Variants in CERT1 observed in about 807,000 individuals in gnomAD.
The protein encoded by CERT1 is ceramide transfer protein.
A neutral mutation model predicts 87.9 loss-of-function variants in CERT1; 31 were observed. The observed-to-expected ratio is 0.35, with a 90% CI of 0.27 to 0.48. The LOEUF (loss-of-function observed/expected upper bound fraction) is 0.48, where lower values mean the gene tolerates loss of function less well. Among genes scored for constraint, CERT1 ranks in the 20% least tolerant of loss-of-function variants. The pLI is 0.99. For missense variants in CERT1, 487 were observed against 758.0 expected (o/e 0.64, Z 4.20); for synonymous variants, 289 against 250.9 (o/e 1.15, Z -1.44).
chr5:75,390,213 T>G (rs1761974189), intron 11 of CERT1, among the ~76,000 whole-genome samples: 1 of 152,182 alleles, frequency 6.6e-6, no homozygotes, highest in South Asian at 2.1e-4. Context: ...AAGATATATA[T>G]GTATATGTCA....
rs1761558212 is a variant in CERT1 at position 75,381,000 on chromosome 5, C to T, written c.1747+72G>A. 2.6e-6 allele frequency: 4 copies of T among 1,523,648 alleles called. No individual in the cohort carries two copies. The South Asian group carries it at 4.8e-5, about 18-fold the overall frequency. 94.4% of individuals were successfully genotyped at this position (1,523,648 alleles called of 1,614,324 possible). A position where few individuals can be genotyped will look rare whatever the true frequency, so the allele number is the denominator to read the frequency against. On this transcript the variant is annotated intron_variant, in intron 16 of 16. Coordinates refer to ENST00000643780, the MANE Select transcript of CERT1 (RefSeq NM_001379029.1). ...GATAAGAACTAAAAAGGCATTTGTC[C>T]AAATTGTTGTCATATAGGTCATGAT...
chr5:75,388,882 C>G (rs1761921646), intron 12 of CERT1, among the ~76,000 whole-genome samples: 1 of 151,928 alleles, frequency 6.6e-6, no homozygotes, highest in Non-Finnish European at 1.5e-5. Flanking sequence ...GCCATGTCCT[C>G]CTAAAAGTGC....
chr5:75,511,275 C>T lies in CERT1; in HGVS notation c.-68G>A, dbSNP rs1417532428. The T allele has an allele frequency of 4.4e-6, 7 of 1,586,308 alleles. No individual in the cohort carries two copies. The highest frequency in any genetic ancestry group is 1.8e-5 in the Admixed American group (1 of 55,014). On this transcript the variant is annotated 5_prime_UTR_variant, in exon 1 of 17. Transcript: ENST00000643780. Reference sequence around the variant, plus strand: ...AGCTGCGCCGGAGGAGGCGCCCAGTCCTCGGGGTGAAGGGTCGGGGGATGG... The same window carrying T: ...AGCTGCGCCGGAGGAGGCGCCCAGTTCTCGGGGTGAAGGGTCGGGGGATGG...
At chr5:75,502,611 A>T (rs577251451) in intron 2 of CERT1, among the ~76,000 whole-genome samples, 1 of 152,222 alleles carries the variant, frequency 6.6e-6, no homozygotes, top group South Asian at 2.1e-4. Context: ...GAAAGATATA[A>T]ACAAATCCTT....
chr5:75,410,976 ATG>A lies in CERT1; in HGVS notation c.930+33_930+34del, dbSNP rs1762913671. 2.7e-6 allele frequency: 3 copies of A among 1,105,832 alleles called. No homozygotes were observed. In the South Asian group the frequency reaches 4.1e-5, roughly 15 times the overall value. The allele number at this position is 1,105,832 out of a possible 1,614,324, so 68.5% of individuals were successfully genotyped here. A position where few individuals can be genotyped will look rare whatever the true frequency, so the allele number is the denominator to read the frequency against. ...ATCACTTTTGTGATAGACATGATCT[ATG>A]TGTTTCTCTAAGATCAAAATATAAA... On this transcript the variant is annotated intron_variant, in intron 8 of 16. Coordinates refer to ENST00000643780, the MANE Select transcript of CERT1 (RefSeq NM_001379029.1).
intron 1 of CERT1, among the ~76,000 whole-genome samples, chr5:75,506,776 A>G (rs2112476601): frequency 6.6e-6 from 1 of 152,326 alleles, no homozygotes; most frequent in Admixed American, 6.5e-5. Flanking sequence ...TTTCAAACTC[A>G]AGAGTAATAA....
At chr5:75,446,080 T>C (rs530025812) in intron 3 of CERT1, among the ~76,000 whole-genome samples, 4 of 152,320 alleles carry the variant, frequency 2.6e-5, no homozygotes, top group Admixed American at 6.5e-5. Context: ...TTTCGGCCAT[T>C]ATCTCTTTGA....
chr5:75,483,728 C>T (rs1766366584), intron 2 of CERT1, among the ~76,000 whole-genome samples: 1 of 151,770 alleles, frequency 6.6e-6, no homozygotes, highest in Non-Finnish European at 1.5e-5. Flanking sequence ...ATAGTATATC[C>T]AGCAAAAATA....
chr5:75,445,415 T>A (rs1356002167), intron 3 of CERT1, among the ~76,000 whole-genome samples: 1 of 152,220 alleles, frequency 6.6e-6, no homozygotes, highest in African/African-American at 2.4e-5. Flanking sequence ...GCAAAGCTAA[T>A]TCCCTTAGCT....
intron 2 of CERT1, among the ~76,000 whole-genome samples, chr5:75,471,060 C>T (rs904453572): frequency 6.6e-6 from 1 of 152,116 alleles, no homozygotes; most frequent in Non-Finnish European, 1.5e-5. Flanking sequence ...ACACTGAAAA[C>T]TATAAAACAT....
downstream of CERT1, chr5:75,373,651 G>A (rs1402484513): frequency 6.5e-6 from 1 of 153,808 alleles, no homozygotes. Context: ...GAAATCAGCA[G>A]CAATGAATTC....
chr5:75,511,772 G>A (rs1246004359), upstream of CERT1: 10 of 1,551,346 alleles, frequency 6.4e-6, no homozygotes, highest in Non-Finnish European at 8.7e-6. Context: ...CGGCTCTCCC[G>A]GGTGACGACG....
At chr5:75,386,101 TG>T in intron 12 of CERT1, 67 bp from the exon 13 acceptor site, 1 of 1,251,316 alleles carries the variant, frequency 8.0e-7, no homozygotes, top group Non-Finnish European at 1.1e-6. Flanking sequence ...CAGGAAAGCA[TG>T]CTTTTAATAC....
chr5:75,481,452 A>C (rs1766242005), intron 2 of CERT1, among the ~76,000 whole-genome samples: 1 of 152,078 alleles, frequency 6.6e-6, no homozygotes, highest in Non-Finnish European at 1.5e-5. Flanking sequence ...AAAATACGGT[A>C]ATATTTAGCC....
At chr5:75,468,513 C>A (rs914409218) in intron 2 of CERT1, among the ~76,000 whole-genome samples, 1 of 152,106 alleles carries the variant, frequency 6.6e-6, no homozygotes, top group Non-Finnish European at 1.5e-5. Context: ...ATCTCCTCAC[C>A]TATCCCAGTG....
chr5:75,386,066 A>G, intron 12 of CERT1, 32 bp from the exon 13 acceptor site: 1 of 1,423,706 alleles, frequency 7.0e-7, no homozygotes, highest in Non-Finnish European at 9.2e-7. Flanking sequence ...AACTGTTTGA[A>G]AATTAAAAAT....
rs1464086065 is a variant in CERT1, at chr5:75,411,172, GGAAT to G, written c.838-73_838-70del. 6 of 807,702 alleles carry G rather than the reference GGAAT, an allele frequency of 7.4e-6. No homozygotes were observed. In the African/African-American group the frequency reaches 1.1e-4, roughly 14 times the overall value. The allele number at this position is 807,702 out of a possible 1,614,324, so 50.0% of individuals were successfully genotyped here. A position where few individuals can be genotyped will look rare whatever the true frequency, so the allele number is the denominator to read the frequency against. Reference sequence around the variant, plus strand: ...TTAATTACAATGAAGTCTTTTAGGTGGAATTCCTCTACATTTCACTGAAATTTTA... The same window carrying G: ...TTAATTACAATGAAGTCTTTTAGGTGTCCTCTACATTTCACTGAAATTTTA... On this transcript the variant is annotated intron_variant, in intron 7 of 16. Transcript: ENST00000643780.
intron 5 of CERT1, among the ~76,000 whole-genome samples, chr5:75,422,831 G>T (rs1282244129): frequency 2.0e-5 from 3 of 152,154 alleles, no homozygotes; most frequent in Non-Finnish European, 4.4e-5. Context: ...AATCCACTAT[G>T]ACTGTACAAT....
rs527340836 is a variant in CERT1, at chr5:75,449,589, C to T, written c.348+9476G>A. Reference sequence around the variant, plus strand: ...CATCTGAGCAGAGGGGACCTCTAGGCTCAGCTTTAGTAGATATTGAAAAAT... The same window carrying T: ...CATCTGAGCAGAGGGGACCTCTAGGTTCAGCTTTAGTAGATATTGAAAAAT... On this transcript the variant is annotated intron_variant, in intron 3 of 16. Transcript: ENST00000643780. Among the ~76,000 whole-genome samples the T allele has an allele frequency of 3.9e-5, 6 of 152,236 alleles. No homozygotes were observed. The East Asian group carries it at 1.2e-3, about 29-fold the overall frequency.
Sources: allele counts gnomAD v4.1 joint callset (sites outside exome capture counted in the v4.1 genomes callset), GRCh38; gene constraint gnomAD v4.1.1; transcripts MANE v1.5; gene names NCBI Gene and HGNC (gene_info 2026-07-23, HGNC 2026-07-21).